Variants in SLC4A1AP observed in about 807,000 individuals in gnomAD.
SLC4A1AP encodes the protein kanadaptin.
A neutral mutation model predicts 89.7 loss-of-function variants in SLC4A1AP; 64 were observed. The ratio of observed to expected loss-of-function variants is 0.71; its 90% CI spans 0.58 to 0.88. SLC4A1AP has a LOEUF of 0.88. SLC4A1AP is among the 40% of genes least tolerant of loss of function. The probability of loss-of-function intolerance (pLI) is 0.00; values close to 1 mark genes in which losing one functional copy is unlikely to be tolerated. For synonymous variants in SLC4A1AP, 366 were observed against 353.3 expected (o/e 1.04, Z -0.40); for missense variants, 931 against 965.0 (o/e 0.96, Z 0.47).
At chr2:27,678,442 A>G (rs941027367) in intron 8 of SLC4A1AP, among the ~76,000 whole-genome samples, 3 of 152,146 alleles carry the variant, frequency 2.0e-5, no homozygotes, top group African/African-American at 7.2e-5. Context: ...CCGAGGTAGG[A>G]GGATCGCTTG....
chr2:27,668,797 A>G (rs1310049493), intron 3 of SLC4A1AP, 46 bp from the exon 4 acceptor site: 2 of 1,548,300 alleles, frequency 1.3e-6, no homozygotes, highest in East Asian at 2.2e-5. Context: ...TCAACTAGTA[A>G]TTTTTGGATT....
intron 5 of SLC4A1AP, among the ~76,000 whole-genome samples, chr2:27,671,686 T>C (rs1675429231): frequency 6.6e-6 from 1 of 152,210 alleles, no homozygotes; most frequent in Admixed American, 6.5e-5. Context: ...CATATTCTCA[T>C]ATTTCTTGGT....
intron 10 of SLC4A1AP, among the ~76,000 whole-genome samples, chr2:27,686,275 C>T (rs187145832): frequency 6.6e-6 from 1 of 152,250 alleles, no homozygotes; most frequent in African/African-American, 2.4e-5. Context: ...GGTAAGTATT[C>T]TGTATCTGCA....
chr2:27,669,577 A>G (rs1675388235), intron 5 of SLC4A1AP, among the ~76,000 whole-genome samples, 190 bp downstream of exon 5: 1 of 152,216 alleles, frequency 6.6e-6, no homozygotes, highest in African/African-American at 2.4e-5. Context: ...GCATATATAG[A>G]TGTGTGCTGA....
exon 10 of SLC4A1AP, chr2:27,685,187 A>C: frequency 1.9e-6 from 3 of 1,614,240 alleles, no homozygotes; most frequent in Non-Finnish European, 1.7e-6. Flanking sequence ...AAGCCTCAGT[A>C]GGCCACAGCC....
At chr2:27,664,248 C>T (rs762039280) in exon 1 of SLC4A1AP, 5 of 1,614,204 alleles carry the variant, frequency 3.1e-6, no homozygotes, top group Non-Finnish European at 4.2e-6. Flanking sequence ...TGCCACAGCC[C>T]CCTACAGCTT....
rs1237983810 is a variant in SLC4A1AP at position 27,664,707 on chromosome 2, A to G, written c.825+130A>G. ...AAAGTGAAGGAATCAAGTCTGGCCT[A>G]TCATCTTCAGACGGCTGTACACATT... On this transcript the variant is annotated intron_variant, in intron 1 of 13. Transcript: ENST00000613058. 5.7e-6 allele frequency: 4 copies of G among 706,134 alleles called. No homozygotes were observed. The African/African-American group carries it at 7.1e-5, about 13-fold the overall frequency. The allele number at this position is 706,134 out of a possible 1,614,324, so 43.7% of individuals were successfully genotyped here. A position where few individuals can be genotyped will look rare whatever the true frequency, so the allele number is the denominator to read the frequency against.
intron 10 of SLC4A1AP, among the ~76,000 whole-genome samples, 185 bp downstream of exon 10, chr2:27,685,462 A>G (rs907926914): frequency 6.6e-6 from 1 of 152,190 alleles, no homozygotes; most frequent in African/African-American, 2.4e-5. Context: ...ATTTGTCTTC[A>G]TTGCAAATTA....
At chr2:27,677,797 G>A in exon 8 of SLC4A1AP, 1 of 1,613,452 alleles carries the variant, frequency 6.2e-7, no homozygotes, top group Non-Finnish European at 8.5e-7. Context: ...AATGAAATCA[G>A]GCAGTACATT....
intron 2 of SLC4A1AP, among the ~76,000 whole-genome samples, chr2:27,666,369 C>T: frequency 2.5e-5 from 1 of 39,828 alleles, no homozygotes. Flanking sequence ...ACCCCCCCCC[C>T]CCACCCCGCC....
chr2:27,669,520 A>T (rs1675387446), intron 5 of SLC4A1AP, 133 bp downstream of exon 5: 1 of 776,410 alleles, frequency 1.3e-6, no homozygotes, highest in Admixed American at 3.3e-5. Context: ...AAAAATTCTC[A>T]ATACCCTAAG....
chr2:27,677,813 G>T lies in SLC4A1AP; in HGVS notation c.1652G>T (p.Gly551Val), dbSNP rs576828287. 7.0e-5 allele frequency: 113 copies of T among 1,613,784 alleles called. No homozygotes were observed. The South Asian group carries it at 1.1e-3, about 15-fold the overall frequency. ...ATGAAATCAGGCAGTACATTAGATG[G>T]TGTGTCCCGGAAGAAACTTCACCTG... The change falls in exon 8 of 14, where the codon GGT becomes GTT. Residue 551 changes from glycine to valine, a missense_variant. Coordinates refer to ENST00000613058, the Ensembl canonical transcript of SLC4A1AP.
At chr2:27,674,968 G>A (rs76586169) in intron 5 of SLC4A1AP, among the ~76,000 whole-genome samples, 25,378 of 152,086 alleles carry the variant, frequency 0.17, 3,313 homozygotes, top group East Asian at 0.58. Context: ...GCCTCCCAAA[G>A]TGCTGGGATT....
At chr2:27,679,951 A>T (rs1415422041) in intron 8 of SLC4A1AP, among the ~76,000 whole-genome samples, 2 of 152,162 alleles carry the variant, frequency 1.3e-5, no homozygotes, top group African/African-American at 4.8e-5. Context: ...GGGCTAAGAT[A>T]TGGTTTCAGG....
At chr2:27,685,008 A>G (rs749776390) in intron 9 of SLC4A1AP, 29 bp from the exon 10 acceptor site, 1 of 1,564,746 alleles carries the variant, frequency 6.4e-7, no homozygotes, top group South Asian at 1.2e-5. Context: ...AAGTAGAACT[A>G]CTTGTTCATG....
intron 10 of SLC4A1AP, among the ~76,000 whole-genome samples, chr2:27,686,225 T>C (rs1298916785): frequency 6.6e-6 from 1 of 152,212 alleles, no homozygotes; most frequent in Non-Finnish European, 1.5e-5. Flanking sequence ...CCTTCATTTG[T>C]CTGGGAAACA....
At chr2:27,664,761 T>C (rs1348845216) in intron 1 of SLC4A1AP, among the ~76,000 whole-genome samples, 184 bp downstream of exon 1, 1 of 152,178 alleles carries the variant, frequency 6.6e-6, no homozygotes, top group Non-Finnish European at 1.5e-5. Context: ...ATGTTCACAA[T>C]CCCGAACTCT....
chr2:27,674,884 G>A (rs1480744735), intron 5 of SLC4A1AP, among the ~76,000 whole-genome samples: 1 of 151,844 alleles, frequency 6.6e-6, no homozygotes, highest in Non-Finnish European at 1.5e-5. Context: ...TCTAATTTTT[G>A]TATTTTTAGT....
intron 3 of SLC4A1AP, among the ~76,000 whole-genome samples, chr2:27,668,098 A>C (rs910462508): frequency 6.6e-6 from 1 of 151,968 alleles, no homozygotes; most frequent in African/African-American, 2.4e-5. Flanking sequence ...AATCCCTAGG[A>C]ATGAGAAGTG....
Sources: gnomAD v4.1 joint callset for allele counts (sites outside exome capture counted in the v4.1 genomes callset) on GRCh38, gnomAD v4.1.1 for gene constraint, MANE v1.5 for transcripts, NCBI Gene and HGNC (gene_info 2026-07-23, HGNC 2026-07-21) for gene names.